The following GALNT13 variants were observed in gnomAD, a reference collection of about 807,000 sequenced individuals.
GALNT13 encodes the protein polypeptide N-acetylgalactosaminyltransferase 13.
A neutral mutation model predicts 64.2 loss-of-function variants in GALNT13; 28 were observed. The ratio of observed to expected loss-of-function variants is 0.44; its 90% confidence interval spans 0.32 to 0.60. GALNT13 has a LOEUF of 0.60. Among genes scored for constraint, GALNT13 ranks in the 20% least tolerant of loss-of-function variants. The probability of loss-of-function intolerance (pLI) is 0.05; values close to 1 mark genes in which losing one functional copy is unlikely to be tolerated. For synonymous variants in GALNT13, 214 were observed against 224.6 expected (o/e 0.95, Z 0.42); for missense variants, 577 against 669.8 (o/e 0.86, Z 1.53).
At chr2:154,316,657 C>T (rs1236448665) in intron 9 of GALNT13, among the ~76,000 whole-genome samples, 1 of 152,134 alleles carries the variant, frequency 6.6e-6, no homozygotes, top group Non-Finnish European at 1.5e-5. Context: ...GGCCTTCTTG[C>T]TGCATCATAG....
At chr2:154,430,442 C>T (rs774901607) in intron 11 of GALNT13, among the ~76,000 whole-genome samples, 4 of 152,116 alleles carry the variant, frequency 2.6e-5, no homozygotes, top group Admixed American at 6.6e-5. Flanking sequence ...AGCCCGAAGA[C>T]GTCATTGAAT....
the GALNT13 span, among the ~76,000 whole-genome samples, chr2:153,155,514 G>C: frequency 6.6e-6 from 1 of 152,144 alleles, no homozygotes; most frequent in African/African-American, 2.4e-5. Context: ...GTACATAGAA[G>C]TGTTCATAAT....
intron 3 of GALNT13, among the ~76,000 whole-genome samples, chr2:154,032,864 C>CTT (rs70981694): frequency 0.42 from 45,865 of 109,954 alleles, 11,347 homozygotes; most frequent in Non-Finnish European, 0.55. Context: ...CCTACATTTC[C>CTT]TTTTTTTTTT....
the GALNT13 span, among the ~76,000 whole-genome samples, chr2:153,560,308 A>G: frequency 6.6e-6 from 1 of 152,050 alleles, no homozygotes; most frequent in Non-Finnish European, 1.5e-5. Flanking sequence ...TACATGTTTT[A>G]TATTTGAATG....
At chr2:154,238,393 A>C (rs1689307049) in intron 4 of GALNT13, among the ~76,000 whole-genome samples, 1 of 152,014 alleles carries the variant, frequency 6.6e-6, no homozygotes, top group Non-Finnish European at 1.5e-5. Context: ...CTTTTTCTGT[A>C]AGCTCTATTT....
At chr2:153,502,926 A>G in the GALNT13 span, among the ~76,000 whole-genome samples, 9 of 151,950 alleles carry the variant, frequency 5.9e-5, no homozygotes, top group East Asian at 1.9e-4. Flanking sequence ...CACTGATGTG[A>G]TTTTTTTAAA....
At chr2:153,091,149 G>T in the GALNT13 span, among the ~76,000 whole-genome samples, 1 of 151,954 alleles carries the variant, frequency 6.6e-6, no homozygotes, top group African/African-American at 2.4e-5. Context: ...GTGCCTAGTC[G>T]AAACCACTAT....
At chr2:153,104,767 T>A in the GALNT13 span, among the ~76,000 whole-genome samples, 4 of 152,280 alleles carry the variant, frequency 2.6e-5, no homozygotes, top group South Asian at 4.1e-4. Context: ...TGCTTTTCAT[T>A]TGCAATGAGA....
At chr2:153,446,052 AG>A in the GALNT13 span, among the ~76,000 whole-genome samples, 1 of 152,198 alleles carries the variant, frequency 6.6e-6, no homozygotes, top group Admixed American at 6.6e-5. Context: ...CTATATATAA[AG>A]TTTACGTTAC....
the GALNT13 span, among the ~76,000 whole-genome samples, chr2:153,441,809 C>G: frequency 6.6e-6 from 1 of 152,262 alleles, no homozygotes; most frequent in African/African-American, 2.4e-5. Context: ...TATCCTGAGA[C>G]TTTGCTGAAG....
At chr2:154,412,691 A>C (rs1177811043) in intron 11 of GALNT13, among the ~76,000 whole-genome samples, 1 of 151,816 alleles carries the variant, frequency 6.6e-6, no homozygotes, top group Non-Finnish European at 1.5e-5. Flanking sequence ...ATTTTCTTAA[A>C]CACTCAGATT....
At chr2:154,280,493 T>G (rs1691904668) in intron 8 of GALNT13, among the ~76,000 whole-genome samples, 1 of 152,168 alleles carries the variant, frequency 6.6e-6, no homozygotes, top group Admixed American at 6.5e-5. Flanking sequence ...GGGACACACA[T>G]GACCACTTTA....
the GALNT13 span, among the ~76,000 whole-genome samples, chr2:153,402,310 T>C: frequency 2.6e-5 from 4 of 152,000 alleles, no homozygotes. Flanking sequence ...GTTAGTCTGA[T>C]GGGCTTCCCT....
At chr2:153,239,963 A>AG in the GALNT13 span, among the ~76,000 whole-genome samples, 1 of 152,138 alleles carries the variant, frequency 6.6e-6, no homozygotes, top group African/African-American at 2.4e-5. Flanking sequence ...TTTTCTTTAC[A>AG]GGGAGACTTT....
chr2:153,200,795 T>C, the GALNT13 span, among the ~76,000 whole-genome samples: 6 of 152,194 alleles, frequency 3.9e-5, no homozygotes, highest in Non-Finnish European at 8.8e-5. Context: ...CATAGTTAAA[T>C]TGGAATTTGA....
the GALNT13 span, among the ~76,000 whole-genome samples, chr2:153,212,163 T>C: frequency 6.6e-6 from 1 of 152,174 alleles, no homozygotes; most frequent in Non-Finnish European, 1.5e-5. Context: ...TTTAATAGGC[T>C]TGTTTTTTTT....
intron 11 of GALNT13, among the ~76,000 whole-genome samples, chr2:154,411,018 T>C (rs1365768093): frequency 6.6e-6 from 1 of 151,898 alleles, no homozygotes; most frequent in Non-Finnish European, 1.5e-5. Context: ...TGCTGCAGTC[T>C]TGGAACATGG....
chr2:153,976,186 T>A (rs1371241938), intron 3 of GALNT13, among the ~76,000 whole-genome samples: 1 of 152,152 alleles, frequency 6.6e-6, no homozygotes, highest in African/African-American at 2.4e-5. Context: ...TGAAAATTTG[T>A]ATATCTTATT....
chr2:153,561,442 A>G, the GALNT13 span, among the ~76,000 whole-genome samples: 2 of 152,120 alleles, frequency 1.3e-5, no homozygotes, highest in Non-Finnish European at 2.9e-5. Flanking sequence ...TTATACACAT[A>G]GCCTGAAGGT....
Sources: gnomAD v4.1 joint callset for allele counts (sites outside exome capture counted in the v4.1 genomes callset) on GRCh38, gnomAD v4.1.1 for gene constraint, MANE v1.5 for transcripts, NCBI Gene and HGNC (gene_info 2026-07-23, HGNC 2026-07-21) for gene names.